The following MAPK10 variants were observed in gnomAD, a reference collection of about 807,000 sequenced individuals.
The protein encoded by MAPK10 is mitogen-activated protein kinase 10.
MAPK10 carries 25 observed loss-of-function variants against 59.3 expected under a neutral mutation model. That is an observed-to-expected ratio of 0.42 (90% confidence interval 0.31 to 0.59). MAPK10 has a LOEUF of 0.59. Among genes scored for constraint, MAPK10 ranks in the 20% least tolerant of loss-of-function variants. The pLI is 0.15. For synonymous variants in MAPK10, 190 were observed against 200.5 expected (o/e 0.95, Z 0.44); for missense variants, 351 against 568.9 (o/e 0.62, Z 3.90).
At chr4:86,043,085 G>T (rs1443840172) in intron 11 of MAPK10, among the ~76,000 whole-genome samples, 1 of 152,114 alleles carries the variant, frequency 6.6e-6, no homozygotes, top group African/African-American at 2.4e-5. Flanking sequence ...CAATTCCAGT[G>T]ACTGTTAGAT....
chr4:86,172,828 A>C (rs889575533), intron 3 of MAPK10, among the ~76,000 whole-genome samples: 1 of 152,030 alleles, frequency 6.6e-6, no homozygotes, highest in African/African-American at 2.4e-5. Flanking sequence ...AACAATAGGC[A>C]AGCAGAGGGC....
intron 2 of MAPK10, among the ~76,000 whole-genome samples, chr4:86,255,069 A>G (rs1370007794): frequency 6.6e-6 from 1 of 151,434 alleles, no homozygotes; most frequent in East Asian, 1.9e-4. Flanking sequence ...ATAATGATAA[A>G]GATATTCTGA....
intron 1 of MAPK10, among the ~76,000 whole-genome samples, chr4:86,488,693 T>C (rs1430857719): frequency 6.6e-6 from 1 of 152,176 alleles, no homozygotes; most frequent in African/African-American, 2.4e-5. Flanking sequence ...GAGACCATGT[T>C]AGGACAGTCC....
intron 4 of MAPK10, among the ~76,000 whole-genome samples, chr4:86,130,838 G>A (rs1434591280): frequency 6.6e-6 from 1 of 152,142 alleles, no homozygotes; most frequent in Non-Finnish European, 1.5e-5. Context: ...TAAATGGGCT[G>A]GAGATCCTGA....
intron 2 of MAPK10, among the ~76,000 whole-genome samples, chr4:86,239,557 T>C (rs958860912): frequency 6.6e-6 from 1 of 152,166 alleles, no homozygotes; most frequent in African/African-American, 2.4e-5. Flanking sequence ...GGATTCAGCT[T>C]CTTACTGGTT....
chr4:86,175,346 C>A (rs1476523560), intron 3 of MAPK10, among the ~76,000 whole-genome samples: 1 of 152,106 alleles, frequency 6.6e-6, no homozygotes, highest in African/African-American at 2.4e-5. Context: ...TGTTTTCATT[C>A]ACACAACAAA....
chr4:86,296,848 A>T (rs1442175702), intron 2 of MAPK10, among the ~76,000 whole-genome samples: 2 of 152,248 alleles, frequency 1.3e-5, no homozygotes, highest in African/African-American at 4.8e-5. Flanking sequence ...ATGATTCCTT[A>T]AAACAATTTT....
intron 4 of MAPK10, chr4:86,125,318 A>G (rs975363990): frequency 1.3e-5 from 2 of 151,980 alleles, no homozygotes; most frequent in African/African-American, 4.8e-5. Flanking sequence ...CATGAGATGT[A>G]CCACAGTAAT....
chr4:86,323,839 A>C (rs2095958527), intron 2 of MAPK10, among the ~76,000 whole-genome samples: 1 of 152,250 alleles, frequency 6.6e-6, no homozygotes, highest in Admixed American at 6.5e-5. Flanking sequence ...TTGTGTAAAA[A>C]TAATATTTTA....
At chr4:86,165,356 A>T (rs908915771) in intron 3 of MAPK10, among the ~76,000 whole-genome samples, 1 of 152,036 alleles carries the variant, frequency 6.6e-6, no homozygotes, top group African/African-American at 2.4e-5. Context: ...ATATGTATCA[A>T]ATTATTTACA....
intron 2 of MAPK10, among the ~76,000 whole-genome samples, chr4:86,274,691 T>G (rs2148780505): frequency 6.6e-6 from 1 of 152,152 alleles, no homozygotes; most frequent in Non-Finnish European, 1.5e-5. Context: ...CCAATCTGCA[T>G]GGTAAACTGA....
At chr4:86,433,157 T>C (rs1196570370) in intron 1 of MAPK10, among the ~76,000 whole-genome samples, 1 of 152,164 alleles carries the variant, frequency 6.6e-6, no homozygotes, top group Admixed American at 6.5e-5. Flanking sequence ...GCAAGTGGAT[T>C]TCAGCAGTGC....
At chr4:86,530,938 C>T (rs1398350269) in intron 1 of MAPK10, among the ~76,000 whole-genome samples, 1 of 152,156 alleles carries the variant, frequency 6.6e-6, no homozygotes, top group Non-Finnish European at 1.5e-5. Flanking sequence ...GGCTGACTGG[C>T]CACTTCAGTA....
At chr4:86,137,460 G>GAAATAAAGATGTTCTTTGAA (rs2149164738) in intron 4 of MAPK10, among the ~76,000 whole-genome samples, 2 of 135,092 alleles carry the variant, frequency 1.5e-5, no homozygotes, top group Middle Eastern at 3.6e-3. Context: ...AATGAAGGCA[G>GAAATAAAGATGTTCTTTGAA]AAATAAAGAT....
chr4:86,593,088 T>G (rs1244791083), intron 1 of MAPK10, among the ~76,000 whole-genome samples: 1 of 152,230 alleles, frequency 6.6e-6, no homozygotes, highest in East Asian at 1.9e-4. Flanking sequence ...TCATAGTTAT[T>G]CATTTAGTAA....
chr4:86,310,615 C>A (rs7655217), intron 2 of MAPK10, among the ~76,000 whole-genome samples: 93,675 of 151,898 alleles, frequency 0.62, 29,356 homozygotes, highest in South Asian at 0.74. Flanking sequence ...ACCAGTATAA[C>A]ATGTCAAGGG....
chr4:86,487,944 A>G (rs998964117), intron 1 of MAPK10, among the ~76,000 whole-genome samples: 1 of 152,020 alleles, frequency 6.6e-6, no homozygotes, highest in African/African-American at 2.4e-5. Context: ...TGAGAGAGAG[A>G]GATTATTGTC....
chr4:86,107,130 A>G lies in MAPK10; in HGVS notation c.366+93T>C, dbSNP rs997290855. ...TCTTAAGAGGCAGGAATTGCAAAGC[A>G]AAGAAAGCCTTTCTTACTCAAGTAC... On this transcript the variant is annotated intron_variant, in intron 5 of 13. Transcript: ENST00000641462. 3 of 1,002,374 alleles carry G rather than the reference A, an allele frequency of 3.0e-6. No individual in the cohort carries two copies. In the Admixed American group the frequency reaches 6.8e-5, roughly 23 times the overall value. 62.1% of individuals were successfully genotyped at this position (1,002,374 alleles called of 1,614,324 possible).
At chr4:86,366,600 A>C (rs1375287416) in intron 1 of MAPK10, among the ~76,000 whole-genome samples, 2 of 152,120 alleles carry the variant, frequency 1.3e-5, no homozygotes, top group Non-Finnish European at 2.9e-5. Flanking sequence ...CCTCAGAGTG[A>C]GGCAGACAAT....
Sources: allele counts gnomAD v4.1 joint callset (sites outside exome capture counted in the v4.1 genomes callset), GRCh38; gene constraint gnomAD v4.1.1; transcripts MANE v1.5; gene names NCBI Gene and HGNC (gene_info 2026-07-23, HGNC 2026-07-21).